CTIF: variants seen among roughly 807,000 people sequenced by gnomAD.
CTIF encodes cap binding complex dependent translation initiation factor.
A neutral mutation model predicts 66.0 loss-of-function variants in CTIF; 21 were observed. The observed-to-expected ratio is 0.32, with a 90% CI of 0.23 to 0.46. The LOEUF is 0.46. CTIF is among the 20% of genes least tolerant of loss of function. The probability of loss-of-function intolerance (pLI) is 1.00; values close to 1 mark genes in which losing one functional copy is unlikely to be tolerated. For missense variants in CTIF, 739 were observed against 812.7 expected (o/e 0.91, Z 1.10); for synonymous variants, 345 against 326.4 (o/e 1.06, Z -0.62).
chr18:48,576,009 A>G (rs1390424753), intron 1 of CTIF, among the ~76,000 whole-genome samples: 2 of 152,268 alleles, frequency 1.3e-5, no homozygotes, highest in Non-Finnish European at 2.9e-5. Context: ...AGAAACGTGC[A>G]CTGTGGAACA....
chr18:48,726,234 C>A (rs1457819137), intron 7 of CTIF, among the ~76,000 whole-genome samples: 2 of 152,202 alleles, frequency 1.3e-5, no homozygotes. Context: ...CTTTAGGACT[C>A]TGCTAATCAT....
Position 48,846,492 on chromosome 18 carries a change from AGGATAGATGGAT to A in CTIF, c.1528-11091_1528-11080del, listed in dbSNP as rs1293988404. On this transcript the variant is annotated intron_variant, in intron 10 of 11. Transcript: ENST00000256413. ...GTAGATGGGTAGATAGATGGATGAA[AGGATAGATGGAT>A]GGATGGATGGATGGATGGATGGATG... is the stretch of plus-strand genomic sequence containing the variant. Among the ~76,000 whole-genome samples, 165 of 125,288 alleles carry A rather than the reference AGGATAGATGGAT, an allele frequency of 1.3e-3. 1 individual carries two copies. The highest frequency in any genetic ancestry group is 9.8e-3 in the East Asian group (45 of 4,594). 82.2% of individuals were successfully genotyped at this position (125,288 alleles called of 152,430 possible).
At chr18:48,742,679 C>T (rs1022047431) in intron 7 of CTIF, among the ~76,000 whole-genome samples, 1 of 152,260 alleles carries the variant, frequency 6.6e-6, no homozygotes, top group Non-Finnish European at 1.5e-5. Context: ...TAGACTTTAT[C>T]ATCATTATTT....
intron 5 of CTIF, 104 bp from the exon 6 acceptor site, chr18:48,670,562 GGCA>G: frequency 1.0e-6 from 1 of 982,004 alleles, no homozygotes. Context: ...CTTGAGGGTG[GGCA>G]GCACCAGGTA....
At chr18:48,774,014 G>T (rs575561238) in intron 9 of CTIF, among the ~76,000 whole-genome samples, 1 of 152,236 alleles carries the variant, frequency 6.6e-6, no homozygotes, top group East Asian at 1.9e-4. Flanking sequence ...TAAAGAGCAG[G>T]CCCCCTTACG....
intron 2 of CTIF, among the ~76,000 whole-genome samples, chr18:48,628,844 C>T (rs1421646540): frequency 6.6e-6 from 1 of 152,346 alleles, no homozygotes; most frequent in East Asian, 1.9e-4. Flanking sequence ...TCAGCAGCAT[C>T]CTGTCCCTCT....
intron 3 of CTIF, among the ~76,000 whole-genome samples, chr18:48,639,737 G>C (rs971262348): frequency 6.6e-6 from 1 of 152,182 alleles, no homozygotes; most frequent in African/African-American, 2.4e-5. Context: ...GGGCTGGTGT[G>C]GTAGCCCAAC....
intron 1 of CTIF, among the ~76,000 whole-genome samples, chr18:48,574,072 C>T (rs1269791829): frequency 2.6e-5 from 4 of 152,238 alleles, no homozygotes; most frequent in African/African-American, 9.6e-5. Context: ...CACCTCCTCT[C>T]AGCAAGACCT....
At chr18:48,812,104 A>C (rs146382288) in intron 9 of CTIF, among the ~76,000 whole-genome samples, 4,995 of 152,202 alleles carry the variant, frequency 0.033, 277 homozygotes, top group African/African-American at 0.11. Context: ...CTTGGATTAC[A>C]GGCACCCACC....
intron 10 of CTIF, among the ~76,000 whole-genome samples, chr18:48,853,421 T>G: frequency 6.6e-6 from 1 of 151,824 alleles, no homozygotes; most frequent in Admixed American, 6.6e-5. Flanking sequence ...AGGCCCAGAG[T>G]TGGAAATATG....
intron 9 of CTIF, among the ~76,000 whole-genome samples, chr18:48,770,638 C>T (rs954175991): frequency 1.3e-5 from 2 of 152,232 alleles, no homozygotes; most frequent in African/African-American, 4.8e-5. Flanking sequence ...AGGTGTGGGT[C>T]GTGCCCCCGA....
intron 9 of CTIF, among the ~76,000 whole-genome samples, chr18:48,787,527 T>C (rs1274561006): frequency 1.3e-5 from 2 of 152,136 alleles, no homozygotes; most frequent in Non-Finnish European, 2.9e-5. Flanking sequence ...GCCGCCTCCA[T>C]TCTGAGGGCC....
intron 8 of CTIF, among the ~76,000 whole-genome samples, chr18:48,759,193 C>A (rs1229085847): frequency 6.6e-6 from 1 of 152,202 alleles, no homozygotes; most frequent in African/African-American, 2.4e-5. Flanking sequence ...GACCCCACTG[C>A]CCAGCAGGGG....
chr18:48,630,102 T>A (rs1427868498), intron 2 of CTIF, among the ~76,000 whole-genome samples: 1 of 152,234 alleles, frequency 6.6e-6, no homozygotes, highest in African/African-American at 2.4e-5. Flanking sequence ...TGAAATCTCA[T>A]GCTGTCTCTC....
chr18:48,733,090 A>G (rs914585509), intron 7 of CTIF, among the ~76,000 whole-genome samples: 9 of 152,272 alleles, frequency 5.9e-5, no homozygotes, highest in African/African-American at 2.2e-4. Flanking sequence ...GTGCATGCTT[A>G]TTTGGGTTAA....
intron 9 of CTIF, among the ~76,000 whole-genome samples, chr18:48,792,331 A>C (rs1254376863): frequency 6.6e-6 from 1 of 152,126 alleles, no homozygotes; most frequent in East Asian, 1.9e-4. Flanking sequence ...GGAAGGCATC[A>C]GGTCAGCGGG....
At chr18:48,580,218 G>A (rs2089623880) in intron 1 of CTIF, among the ~76,000 whole-genome samples, 1 of 152,224 alleles carries the variant, frequency 6.6e-6, no homozygotes, top group Non-Finnish European at 1.5e-5. Context: ...TACTGTGGCT[G>A]TCGTCACGGG....
chr18:48,776,553 A>T lies in CTIF; in HGVS notation c.1371+14864A>T, dbSNP rs527490792. Among the ~76,000 whole-genome samples the T allele has an allele frequency of 2.3e-3, 345 of 152,324 alleles. 2 individuals are homozygous for T. The highest frequency in any genetic ancestry group is 8.0e-3 in the African/African-American group (331 of 41,574). On this transcript the variant is annotated intron_variant, in intron 9 of 11. Coordinates refer to ENST00000256413, the MANE Select transcript of CTIF (RefSeq NM_014772.3). Reference sequence around the variant, plus strand: ...AAGTCTGAAGCCAGCCCCTCAACTAATGTCACCGTCTGAGCCTCAGCATCC... The same window carrying T: ...AAGTCTGAAGCCAGCCCCTCAACTATTGTCACCGTCTGAGCCTCAGCATCC...
At chr18:48,723,503 A>C (rs755499688) in intron 7 of CTIF, among the ~76,000 whole-genome samples, 7 of 152,138 alleles carry the variant, frequency 4.6e-5, no homozygotes, top group Non-Finnish European at 1.0e-4. Flanking sequence ...AGCCCTCGAA[A>C]CTGACCAGGG....
Sources: gnomAD v4.1 joint callset for allele counts (sites outside exome capture counted in the v4.1 genomes callset) on GRCh38, gnomAD v4.1.1 for gene constraint, MANE v1.5 for transcripts, NCBI Gene and HGNC (gene_info 2026-07-23, HGNC 2026-07-21) for gene names.